TACC2: variants seen among roughly 807,000 people sequenced by gnomAD.
TACC2 encodes the protein transforming acidic coiled-coil containing protein 2.
In TACC2, 137 loss-of-function variants were observed where a neutral mutation model predicts 227.3. The ratio of observed to expected loss-of-function variants is 0.60; its 90% confidence interval spans 0.52 to 0.69. The LOEUF (loss-of-function observed/expected upper bound fraction) is 0.69. Among genes scored for constraint, TACC2 ranks in the 30% least tolerant of loss-of-function variants. The pLI is 0.00. For synonymous variants in TACC2, 1,523 were observed against 1,487.5 expected, an observed-to-expected ratio of 1.02 and a Z score of -0.55; for missense variants, 3,470 against 3,694.4, an observed-to-expected ratio of 0.94 and a Z score of 1.57.
chr10:122,004,679 C>T (rs900328421), intron 1 of TACC2, among the ~76,000 whole-genome samples: 1 of 152,054 alleles, frequency 6.6e-6, no homozygotes, highest in Non-Finnish European at 1.5e-5. Flanking sequence ...TCCCGAGCTC[C>T]CTGTCCTCCA....
At chr10:122,154,795 C>T (rs1592687117) in intron 7 of TACC2, among the ~76,000 whole-genome samples, 1 of 152,214 alleles carries the variant, frequency 6.6e-6, no homozygotes, top group South Asian at 2.1e-4. Flanking sequence ...CGCATGCAGG[C>T]GCGCACCCAC....
At chr10:122,033,356 G>C (rs1410068520) in intron 2 of TACC2, among the ~76,000 whole-genome samples, 2 of 152,204 alleles carry the variant, frequency 1.3e-5, no homozygotes, top group Non-Finnish European at 2.9e-5. Flanking sequence ...TTTTAGGATA[G>C]TATTTTAGTG....
chr10:122,011,573 CCA>C (rs1408036865), intron 1 of TACC2, among the ~76,000 whole-genome samples: 1 of 152,162 alleles, frequency 6.6e-6, no homozygotes, highest in Non-Finnish European at 1.5e-5. Flanking sequence ...CGTGATCTGC[CCA>C]CCTCGGCCTC....
chr10:122,177,443 C>A (rs1215190293), intron 7 of TACC2, among the ~76,000 whole-genome samples: 2 of 152,052 alleles, frequency 1.3e-5, no homozygotes, highest in East Asian at 3.9e-4. Context: ...ATGGCATGAA[C>A]CTATAATCCC....
intron 21 of TACC2, 22 bp downstream of exon 21, chr10:122,249,178 T>G (rs1389672444): frequency 6.3e-7 from 1 of 1,575,620 alleles, no homozygotes; most frequent in African/African-American, 1.3e-5. Flanking sequence ...CCACTGGGGG[T>G]GGCTCCCAGG....
chr10:122,105,916 C>A (rs1474939911), intron 5 of TACC2, among the ~76,000 whole-genome samples: 1 of 150,562 alleles, frequency 6.6e-6, no homozygotes, highest in Non-Finnish European at 1.5e-5. Flanking sequence ...AGCCACTGCG[C>A]CTGGCCTGTC....
intron 5 of TACC2, among the ~76,000 whole-genome samples, chr10:122,129,572 A>G (rs191770341): frequency 1.3e-5 from 2 of 152,246 alleles, no homozygotes; most frequent in East Asian, 1.9e-4. Context: ...GAAGTCTTTT[A>G]TGGTTTTCAA....
chr10:122,022,054 T>C, intron 2 of TACC2, 40 bp downstream of exon 2: 1 of 1,611,342 alleles, frequency 6.2e-7, no homozygotes, highest in Non-Finnish European at 8.5e-7. Context: ...TACGTGGTGC[T>C]CTTGGCAGAC....
intron 3 of TACC2, among the ~76,000 whole-genome samples, chr10:122,055,495 G>A (rs2076137367): frequency 6.6e-6 from 1 of 152,122 alleles, no homozygotes; most frequent in South Asian, 2.1e-4. Flanking sequence ...CACTTATAAG[G>A]GGAGCTAACT....
At position 122,085,749 on chromosome 10, in the gene TACC2, T is replaced by G; in HGVS notation, c.3249T>G (p.Asp1083Glu). ...TQDAPETEAC[D>E]ETQEGRQQPV... ...ATGCCCCAGAGACAGAGGCATGTGA[T>G]GAAACCCAGGAAGGCAGGCAGCAAC... Residue 1083 changes from aspartate (D) to glutamate (E), a missense_variant, in exon 4 of 23, where the codon GAT becomes GAG. Transcript: ENST00000369005. The G allele has an allele frequency of 6.2e-7, 1 of 1,613,760 alleles. No homozygotes were observed. The highest frequency in any genetic ancestry group is 8.5e-7 in the Non-Finnish European group (1 of 1,179,974).
At chr10:122,211,996 C>T (rs1357271310) in intron 9 of TACC2, among the ~76,000 whole-genome samples, 4 of 152,210 alleles carry the variant, frequency 2.6e-5, no homozygotes, top group Non-Finnish European at 4.4e-5. Context: ...ACCTAATGTT[C>T]AACTCCAGAG....
At chr10:122,241,552 A>G (rs2141720845) in intron 18 of TACC2, 2 of 187,368 alleles carry the variant, frequency 1.1e-5, no homozygotes, top group East Asian at 2.6e-4. Flanking sequence ...TAGCCTCTTG[A>G]GTAGGTAGGA....
At position 122,141,614 on chromosome 10, in the gene TACC2, G is replaced by A. The variant is rs916430802; in HGVS notation, c.5700-1958G>A. 2.0e-5 allele frequency among the ~76,000 whole-genome samples: 3 copies of A among 152,044 alleles called. No homozygotes were observed. The highest frequency in any genetic ancestry group is 4.2e-4 in the South Asian group (2 of 4,806). On this transcript the variant is annotated intron_variant, in intron 6 of 22. Transcript: ENST00000369005. The surrounding 1 kb of genome is among the most constrained non-coding windows in gnomAD (Gnocchi z 4.3). Reference sequence around the variant, plus strand: ...CTTGGGCATCTGCATCAGATCCCAGGGCTGTCAGCTGTCACAGAGCTGGCT... The same window carrying A: ...CTTGGGCATCTGCATCAGATCCCAGAGCTGTCAGCTGTCACAGAGCTGGCT...
At chr10:121,990,414 T>G (rs1952980953) in intron 1 of TACC2, among the ~76,000 whole-genome samples, 1 of 152,124 alleles carries the variant, frequency 6.6e-6, no homozygotes, top group Non-Finnish European at 1.5e-5. Flanking sequence ...CACCAAACAC[T>G]GCCAGAATTT....
At chr10:122,213,458 T>C in intron 9 of TACC2, 2 of 1,423,854 alleles carry the variant, frequency 1.4e-6, no homozygotes, top group Non-Finnish European at 2.0e-6. Flanking sequence ...CAAGCCATTT[T>C]TATTTCCCCT....
rs537177014 is a variant in TACC2 at position 122,063,927 on chromosome 10, C to T, written c.146+13377C>T. On this transcript the variant is annotated intron_variant, in intron 3 of 22. Transcript: ENST00000369005. ...TTGTAACCCCAGCACTTTGGGAGGC[C>T]GAGGCAGGTGGATCACTTGAGGTCA... Among the ~76,000 whole-genome samples, 1,511 of 151,476 alleles carry T rather than the reference C, an allele frequency of 1.0e-2. 11 individuals carry two copies. Among genetic ancestry groups the T allele is most frequent in the Non-Finnish European group, 0.016 (1,109 of 67,894 alleles).
At chr10:122,068,268 A>G (rs192660707) in intron 3 of TACC2, among the ~76,000 whole-genome samples, 78 of 152,278 alleles carry the variant, frequency 5.1e-4, no homozygotes, top group African/African-American at 1.9e-3. Flanking sequence ...TCTGGAAAAA[A>G]AGTCTTTTTA....
rs186454883 is a variant in TACC2 at position 122,034,720 on chromosome 10, A to G, written c.33+12706A>G. ...GCCGAGGTGGGTGGATCACAGGGTC[A>G]GGAGTTTGAGACCAGCCTGACCAAC... On this transcript the variant is annotated intron_variant, in intron 2 of 22. Transcript: ENST00000369005. 3.3e-5 allele frequency among the ~76,000 whole-genome samples: 5 copies of G among 152,228 alleles called. 2 individuals are homozygous for G. Among genetic ancestry groups the G allele is most frequent in the African/African-American group, 1.2e-4 (5 of 41,534 alleles).
chr10:122,048,195 G>C (rs2075251426), intron 2 of TACC2, among the ~76,000 whole-genome samples: 1 of 152,192 alleles, frequency 6.6e-6, no homozygotes, highest in South Asian at 2.1e-4. Context: ...GGTTGGTAGA[G>C]TTTGATGAGT....
Sources: gnomAD v4.1 joint callset for allele counts (sites outside exome capture counted in the v4.1 genomes callset) on GRCh38, gnomAD v4.1.1 for gene constraint, Gnocchi (gnomAD v3.1) non-coding constraint, MANE v1.5 for transcripts, NCBI Gene and HGNC (gene_info 2026-07-23, HGNC 2026-07-21) for gene names.